AGMO: variants seen among roughly 807,000 people sequenced by gnomAD.
The protein encoded by AGMO is glyceryl-ether monooxygenase.
In AGMO, 75 loss-of-function variants were observed where a neutral mutation model predicts 60.2. The ratio of observed to expected loss-of-function variants is 1.25; its 90% confidence interval spans 1.03 to 1.51. The LOEUF (loss-of-function observed/expected upper bound fraction) is 1.51. AGMO is among the 40% of genes most tolerant of loss of function. The probability of loss-of-function intolerance (pLI) is 0.00; values close to 1 mark genes in which losing one functional copy is unlikely to be tolerated. For synonymous variants in AGMO, 261 were observed against 177.1 expected (o/e 1.47, Z -3.76); for missense variants, 763 against 525.5 (o/e 1.45, Z -4.42).
At chr7:15,344,081 T>A (rs1397819934) in intron 12 of AGMO, among the ~76,000 whole-genome samples, 1 of 152,132 alleles carries the variant, frequency 6.6e-6, no homozygotes, top group Non-Finnish European at 1.5e-5. Context: ...AAATGTAAAA[T>A]TCCAAGTTTG....
intron 3 of AGMO, among the ~76,000 whole-genome samples, chr7:15,441,210 A>G (rs890209342): frequency 3.3e-5 from 5 of 152,250 alleles, no homozygotes; most frequent in Admixed American, 6.5e-5. Flanking sequence ...TCTCAAACAT[A>G]AGGAAAACCA....
chr7:15,339,681 T>C (rs921851170), intron 12 of AGMO, among the ~76,000 whole-genome samples: 5 of 152,198 alleles, frequency 3.3e-5, no homozygotes, highest in Non-Finnish European at 7.3e-5. Flanking sequence ...CCCATCCCTG[T>C]ATGAAAATGA....
the AGMO span, among the ~76,000 whole-genome samples, chr7:15,159,488 C>G: frequency 1.3e-5 from 2 of 152,162 alleles, no homozygotes; most frequent in Non-Finnish European, 2.9e-5. Context: ...AGGGTTACTA[C>G]TTTCTCCCTA....
rs373631505 is a variant in AGMO, at chr7:15,560,150, C to T, written c.248G>A (p.Arg83Gln). ...LTSISAGVLS[R>Q]LPSLFFRSIE... Reference sequence around the variant, plus strand: ...TGACCATCTAACTCACCTTGGAAGTCGAGACAGAACACCAGCTGAGATTGA... The same window carrying T: ...TGACCATCTAACTCACCTTGGAAGTTGAGACAGAACACCAGCTGAGATTGA... Residue 83 changes from arginine to glutamine, a missense_variant, in exon 2 of 13, where the codon CGA becomes CAA. Physicochemically the swap from Arg to Gln is conservative, Grantham distance 43 (BLOSUM62 1). Coordinates refer to ENST00000342526, the MANE Select transcript of AGMO (RefSeq NM_001004320.2). The T allele has an allele frequency of 2.9e-5, 46 of 1,608,538 alleles. No individual in the cohort carries two copies. The highest frequency in any genetic ancestry group is 1.5e-4 in the African/African-American group (11 of 74,652).
downstream of AGMO, among the ~76,000 whole-genome samples, chr7:15,198,120 A>G (rs978361043): frequency 2.0e-5 from 3 of 151,674 alleles, no homozygotes; most frequent in African/African-American, 7.3e-5. Context: ...ATATCTTCAT[A>G]TGATTTGCAA....
intron 5 of AGMO, among the ~76,000 whole-genome samples, chr7:15,412,293 A>G (rs1397353705): frequency 6.6e-6 from 1 of 152,056 alleles, no homozygotes; most frequent in Non-Finnish European, 1.5e-5. Context: ...ATTTGAGTAT[A>G]GAGTGTTGCT....
rs1290830322 is a variant in AGMO at position 15,525,158 on chromosome 7, CT to C, written c.409+19613del. On this transcript the variant is annotated intron_variant, in intron 3 of 12. Coordinates refer to ENST00000342526, the MANE Select transcript of AGMO (RefSeq NM_001004320.2). ...GAAGCTTTTATGTTAAAATAGAAGT[CT>C]TCAGGCTGACAAAACAGACTCTTCA... Among the ~76,000 whole-genome samples, 3 of 152,176 alleles carry C rather than the reference CT, an allele frequency of 2.0e-5. No homozygotes were observed. In the East Asian group the frequency reaches 5.8e-4, roughly 29 times the overall value.
the AGMO span, among the ~76,000 whole-genome samples, chr7:15,179,145 T>C: frequency 6.6e-6 from 1 of 152,260 alleles, no homozygotes; most frequent in East Asian, 1.9e-4. Flanking sequence ...ACTCATGTCC[T>C]TCTCACCTAT....
rs564549314 is a variant in AGMO at position 15,286,258 on chromosome 7, A to C, written c.1263+79256T>G. Among the ~76,000 whole-genome samples the C allele has an allele frequency of 1.1e-4, 16 of 152,300 alleles. No individual in the cohort carries two copies. In the South Asian group the frequency reaches 3.3e-3, roughly 32 times the overall value. On this transcript the variant is annotated intron_variant, in intron 12 of 12. Coordinates refer to ENST00000342526, the MANE Select transcript of AGMO (RefSeq NM_001004320.2). ...AAACGAAAAAGCTTCTGCACAGCAA[A>C]AGAATTAATCATCAGAGTAAACAGA...
At chr7:15,249,364 C>T (rs1225507599) in intron 12 of AGMO, among the ~76,000 whole-genome samples, 2 of 151,894 alleles carry the variant, frequency 1.3e-5, no homozygotes, top group African/African-American at 2.4e-5. Flanking sequence ...ACTATGGAAA[C>T]ATAAAAAGTT....
At chr7:15,352,155 G>C (rs998873031) in intron 12 of AGMO, among the ~76,000 whole-genome samples, 61 of 152,262 alleles carry the variant, frequency 4.0e-4, no homozygotes, top group African/African-American at 1.4e-3. Flanking sequence ...TTCACGGACT[G>C]TTAGGGGAAT....
At chr7:15,373,524 T>C (rs930204355) in intron 10 of AGMO, among the ~76,000 whole-genome samples, 3 of 152,238 alleles carry the variant, frequency 2.0e-5, no homozygotes, top group African/African-American at 4.8e-5. Context: ...ACAGATATTA[T>C]AAAGAAGAAA....
chr7:15,123,649 C>T, the AGMO span, among the ~76,000 whole-genome samples: 2 of 151,944 alleles, frequency 1.3e-5, no homozygotes, highest in African/African-American at 4.8e-5. Context: ...AATCTCTTCT[C>T]TCTCCTAGTT....
chr7:15,430,206 A>T (rs1187529300), intron 4 of AGMO, among the ~76,000 whole-genome samples: 2 of 151,966 alleles, frequency 1.3e-5, no homozygotes, highest in Non-Finnish European at 2.9e-5. Flanking sequence ...AGTATTTTGA[A>T]CCACGGAAAT....
chr7:15,517,195 G>A (rs772278197), intron 3 of AGMO, among the ~76,000 whole-genome samples: 5 of 151,888 alleles, frequency 3.3e-5, no homozygotes, highest in Non-Finnish European at 5.9e-5. Flanking sequence ...GGAATCACAA[G>A]AAGGACTTAT....
intron 12 of AGMO, among the ~76,000 whole-genome samples, chr7:15,320,313 G>C (rs895366505): frequency 6.6e-6 from 1 of 151,392 alleles, no homozygotes; most frequent in South Asian, 2.1e-4. Context: ...GTATCCTAAT[G>C]CAACTGAAGA....
chr7:15,371,153 A>C (rs1052540659), intron 10 of AGMO, among the ~76,000 whole-genome samples: 17 of 152,220 alleles, frequency 1.1e-4, no homozygotes, highest in Admixed American at 1.1e-3. Context: ...ACCTCAAACT[A>C]TAAAAACCCT....
chr7:15,169,543 TCTC>T, the AGMO span, among the ~76,000 whole-genome samples: 13 of 151,998 alleles, frequency 8.6e-5, no homozygotes, highest in Non-Finnish European at 1.8e-4. Context: ...TTCAAGCAAT[TCTC>T]CTGCCTCAGC....
At chr7:15,297,325 A>C (rs899786073) in intron 12 of AGMO, among the ~76,000 whole-genome samples, 3 of 152,222 alleles carry the variant, frequency 2.0e-5, no homozygotes, top group Non-Finnish European at 4.4e-5. Context: ...ACAAGAGTAC[A>C]TAAATCCTAG....
Sources: allele counts gnomAD v4.1 joint callset (sites outside exome capture counted in the v4.1 genomes callset), GRCh38; gene constraint gnomAD v4.1.1; transcripts MANE v1.5; gene names NCBI Gene and HGNC (gene_info 2026-07-23, HGNC 2026-07-21).